Variants in TAOK3 observed in about 807,000 individuals in gnomAD.
TAOK3 encodes TAO kinase 3.
A neutral mutation model predicts 120.4 loss-of-function variants in TAOK3; 40 were observed. That is an observed-to-expected ratio of 0.33 (90% CI 0.26 to 0.43). The LOEUF is 0.43. Among genes scored for constraint, TAOK3 ranks in the 20% least tolerant of loss-of-function variants. The probability of loss-of-function intolerance (pLI) is 1.00; values close to 1 mark genes in which losing one functional copy is unlikely to be tolerated. For missense variants in TAOK3, 821 were observed against 1,112.1 expected, an observed-to-expected ratio of 0.74 and a Z score of 3.72; for synonymous variants, 355 against 387.5, an observed-to-expected ratio of 0.92 and a Z score of 0.99.
At chr12:118,224,635 C>G (rs1287974347) in intron 9 of TAOK3, among the ~76,000 whole-genome samples, 1 of 152,102 alleles carries the variant, frequency 6.6e-6, no homozygotes, top group Non-Finnish European at 1.5e-5. Context: ...TTTCAACCTC[C>G]AAGAGTTTTA....
rs756607745 is a variant in TAOK3, at chr12:118,239,218, C to T, written c.340+9G>A. The stretch of plus-strand genomic sequence containing the variant: ...AACAGAAAGGAGAGTTTAATTCCTT[C>T]TTTCTTACCTTCTAATAAATCAGAG... On this transcript the variant is annotated intron_variant, in intron 6 of 20. Coordinates refer to ENST00000392533, the MANE Select transcript of TAOK3 (RefSeq NM_016281.4). The T allele has an allele frequency of 9.2e-6, 14 of 1,519,836 alleles. No individual in the cohort carries two copies. Among genetic ancestry groups the T allele is most frequent in the South Asian group, 7.9e-5 (7 of 88,626 alleles). The allele number at this position is 1,519,836 out of a possible 1,614,324, so 94.1% of individuals were successfully genotyped here.
At chr12:118,244,803 C>G in intron 4 of TAOK3, 91 bp downstream of exon 4, 1 of 884,166 alleles carries the variant, frequency 1.1e-6, no homozygotes, top group Non-Finnish European at 1.8e-6. Context: ...GCTGGGATTA[C>G]AGGCGTGAAC....
chr12:118,348,859 TTTTTTTG>T (rs2045002597), intron 1 of TAOK3, among the ~76,000 whole-genome samples: 1 of 151,082 alleles, frequency 6.6e-6, no homozygotes, highest in Admixed American at 6.6e-5. Context: ...TTTTTTTTTT[TTTTTTTG>T]AGAACGGGTC....
At chr12:118,269,493 T>A (rs2041611117) in intron 1 of TAOK3, among the ~76,000 whole-genome samples, 1 of 149,918 alleles carries the variant, frequency 6.7e-6, no homozygotes, top group Non-Finnish European at 1.5e-5. Flanking sequence ...GCCTCAGCCT[T>A]CCAAGTAGCT....
chr12:118,331,645 CA>C (rs57291591), intron 1 of TAOK3, among the ~76,000 whole-genome samples: 3,618 of 47,966 alleles, frequency 0.075, 32 homozygotes, highest in African/African-American at 0.15. Flanking sequence ...ACTCTTATCT[CA>C]AAAAAAAAAA....
chr12:118,341,015 G>A (rs1313953428), intron 1 of TAOK3, among the ~76,000 whole-genome samples: 19 of 147,196 alleles, frequency 1.3e-4, no homozygotes, highest in Admixed American at 9.5e-4. Context: ...TTTTGAGACA[G>A]AGTCTCACTC....
intron 9 of TAOK3, among the ~76,000 whole-genome samples, chr12:118,221,377 C>CTG (rs2039222935): frequency 1.3e-5 from 2 of 152,146 alleles, no homozygotes; most frequent in South Asian, 4.1e-4. Context: ...GCATGTGCCA[C>CTG]TGTGCCCAGC....
chr12:118,258,273 G>T (rs950836440), intron 2 of TAOK3, among the ~76,000 whole-genome samples: 5 of 152,050 alleles, frequency 3.3e-5, no homozygotes, highest in African/African-American at 1.2e-4. Context: ...GGATCCCTCC[G>T]CCAACAATGC....
Position 118,182,618 on chromosome 12 carries a change from TATA to T in TAOK3, c.1330-1014_1330-1012del, listed in dbSNP as rs1401590081. On this transcript the variant is annotated intron_variant, in intron 14 of 20. Transcript: ENST00000392533. ...GTGTGTGTATATATATATATATATA[TATA>T]TATTTTTTTTTTTTTTTAAGGATCA... Among the ~76,000 whole-genome samples, 392 of 94,282 alleles carry T rather than the reference TATA, an allele frequency of 4.2e-3. 1 individual carries two copies. Among genetic ancestry groups the T allele is most frequent in the African/African-American group, 0.017 (361 of 20,960 alleles). 61.9% of individuals were successfully genotyped at this position (94,282 alleles called of 152,430 possible). A position where few individuals can be genotyped will look rare whatever the true frequency, so the allele number is the denominator to read the frequency against.
At chr12:118,223,592 C>T (rs563449381) in intron 9 of TAOK3, among the ~76,000 whole-genome samples, 2 of 151,886 alleles carry the variant, frequency 1.3e-5, no homozygotes, top group African/African-American at 4.8e-5. Flanking sequence ...GTGACTCACC[C>T]ACCTCGGCCT....
In TAOK3 at chr12:118,192,889, A is replaced by T. The variant is rs546463879; in HGVS notation, c.1195-2948T>A. ...AATCTTCAAAGAAGGATTTTAGAAG[A>T]TTAAGAAGAATAAATCTATTCTACT... On this transcript the variant is annotated intron_variant, in intron 13 of 20. Coordinates refer to ENST00000392533, the MANE Select transcript of TAOK3 (RefSeq NM_016281.4). Among the ~76,000 whole-genome samples, 45 of 152,356 alleles carry T rather than the reference A, an allele frequency of 3.0e-4. 1 individual carries two copies. In the South Asian group the frequency reaches 7.3e-3, roughly 25 times the overall value.
chr12:118,179,647 T>TG (rs1162326513), intron 15 of TAOK3, among the ~76,000 whole-genome samples: 3 of 151,418 alleles, frequency 2.0e-5, no homozygotes, highest in African/African-American at 7.3e-5. Flanking sequence ...CCTTCTGTTT[T>TG]TTTTTTTTTT....
intron 1 of TAOK3, among the ~76,000 whole-genome samples, chr12:118,284,996 T>A (rs1467657857): frequency 2.0e-5 from 3 of 149,766 alleles, no homozygotes; most frequent in African/African-American, 7.4e-5. Flanking sequence ...TTACTCTGGC[T>A]TTTGCTTCAT....
chr12:118,194,587 A>G (rs2139156976), intron 13 of TAOK3, among the ~76,000 whole-genome samples: 1 of 151,288 alleles, frequency 6.6e-6, no homozygotes, highest in African/African-American at 2.4e-5. Flanking sequence ...TTAAACTAGA[A>G]CATCCTATTC....
chr12:118,346,102 T>G (rs1224430126), intron 1 of TAOK3, among the ~76,000 whole-genome samples: 1 of 152,220 alleles, frequency 6.6e-6, no homozygotes, highest in Non-Finnish European at 1.5e-5. Context: ...TTTATTTTGT[T>G]CTAACTACTC....
At position 118,181,495 on chromosome 12, in the gene TAOK3, T is replaced by C; in HGVS notation, c.1442A>G (p.Lys481Arg). The change falls in exon 15 of 21, where the codon AAG (lysine) becomes AGG (arginine). Residue 481 changes from lysine (K) to arginine (R), a missense_variant. Transcript: ENST00000392533. ...HQKQLIALEN[K>R]LKAEMDEHRL... ...GTGCTCGTCCATCTCAGCCTTCAGC[T>C]TGTTCTCCAGGGCGATCAGCTGCTT... The C allele has an allele frequency of 6.2e-7, 1 of 1,614,228 alleles. No individual in the cohort carries two copies. Among genetic ancestry groups the C allele is most frequent in the Non-Finnish European group, 8.5e-7 (1 of 1,180,030 alleles).
intron 9 of TAOK3, among the ~76,000 whole-genome samples, chr12:118,216,829 T>C (rs2038926521): frequency 6.7e-6 from 1 of 148,698 alleles, no homozygotes; most frequent in African/African-American, 2.5e-5. Context: ...CTTGGGAGGC[T>C]GAGGCAGGAG....
At chr12:118,340,047 A>G (rs1163675874) in intron 1 of TAOK3, among the ~76,000 whole-genome samples, 1 of 152,202 alleles carries the variant, frequency 6.6e-6, no homozygotes, top group Non-Finnish European at 1.5e-5. Context: ...TTTCTCTTAA[A>G]ACACAAAATA....
At chr12:118,226,057 A>C (rs1458294174) in intron 9 of TAOK3, among the ~76,000 whole-genome samples, 1 of 152,134 alleles carries the variant, frequency 6.6e-6, no homozygotes, top group Non-Finnish European at 1.5e-5. Flanking sequence ...CTGGCCAACA[A>C]GGTAAAACTC....
Sources: allele counts gnomAD v4.1 joint callset (sites outside exome capture counted in the v4.1 genomes callset), GRCh38; gene constraint gnomAD v4.1.1; transcripts MANE v1.5; gene names NCBI Gene and HGNC (gene_info 2026-07-23, HGNC 2026-07-21).